The following RBM47 variants were observed in gnomAD, a reference collection of about 807,000 sequenced individuals.
The protein encoded by RBM47 is RNA binding motif protein 47, also known as RNA-binding protein 47.
Under a neutral mutation model 47.1 loss-of-function variants are expected in RBM47, and 21 were observed. The observed-to-expected ratio is 0.45, with a 90% CI of 0.32 to 0.64. The LOEUF is 0.64. Among genes scored for constraint, RBM47 ranks in the 30% least tolerant of loss-of-function variants. The probability of loss-of-function intolerance (pLI) is 0.05; values close to 1 mark genes in which losing one functional copy is unlikely to be tolerated. For missense variants in RBM47, 708 were observed against 870.9 expected, an observed-to-expected ratio of 0.81 and a Z score of 2.35; for synonymous variants, 375 against 361.7, an observed-to-expected ratio of 1.04 and a Z score of -0.42.
intron 3 of RBM47, among the ~76,000 whole-genome samples, chr4:40,454,396 T>C (rs1715911649): frequency 6.6e-6 from 1 of 152,290 alleles, no homozygotes; most frequent in East Asian, 1.9e-4. Flanking sequence ...GAGGAATAAA[T>C]GAGATAGCCA....
intron 1 of RBM47, among the ~76,000 whole-genome samples, chr4:40,622,658 G>T (rs1429360486): frequency 6.6e-6 from 1 of 152,208 alleles, no homozygotes; most frequent in Admixed American, 6.5e-5. Flanking sequence ...AAGGTAGGCA[G>T]CTCGCTTGAG....
chr4:40,428,619 C>A (rs1715420135), intron 6 of RBM47, among the ~76,000 whole-genome samples: 1 of 152,178 alleles, frequency 6.6e-6, no homozygotes, highest in Non-Finnish European at 1.5e-5. Context: ...GTGAGAGAGA[C>A]CTTTCCATGT....
At chr4:40,563,285 T>A (rs1169534632) in intron 1 of RBM47, among the ~76,000 whole-genome samples, 1 of 152,238 alleles carries the variant, frequency 6.6e-6, no homozygotes, top group Non-Finnish European at 1.5e-5. Context: ...TCAATTAGGC[T>A]AGCTCCACAG....
At chr4:40,426,177 ACACG>A in intron 6 of RBM47, 34 bp from the exon 7 acceptor site, 1 of 1,606,822 alleles carries the variant, frequency 6.2e-7, no homozygotes, top group South Asian at 1.1e-5. Context: ...GCCTTCCTGA[ACACG>A]TGTATGTACC....
rs278982 is a variant in RBM47, at chr4:40,424,660, G to A, written c.*1244C>T. On this transcript the variant is annotated 3_prime_UTR_variant, in exon 7 of 7. Transcript: ENST00000295971. ...ACCCATCAAGTGCACAGCAAAGGAA[G>A]AGAGGCCCATTTAATAAACATAATG... is the stretch of plus-strand genomic sequence containing the variant. 0.5 allele frequency: 75,802 copies of A among 151,938 alleles called. 20,259 individuals are homozygous for A. The highest frequency in any genetic ancestry group is 0.62 in the Non-Finnish European group (42,044 of 67,968). The allele number at this position is 151,938 out of a possible 1,614,324, so 9.4% of individuals were successfully genotyped here. A position where few individuals can be genotyped will look rare whatever the true frequency, so the allele number is the denominator to read the frequency against.
chr4:40,605,201 T>G (rs1017071898), intron 1 of RBM47, among the ~76,000 whole-genome samples: 5 of 150,668 alleles, frequency 3.3e-5, no homozygotes, highest in Non-Finnish European at 5.9e-5. Context: ...TTTTTTGTAT[T>G]TTTAGTAGAG....
At chr4:40,489,230 T>C (rs966761376) in intron 2 of RBM47, among the ~76,000 whole-genome samples, 2 of 152,082 alleles carry the variant, frequency 1.3e-5, no homozygotes, top group Non-Finnish European at 1.5e-5. Flanking sequence ...AGATAACAGT[T>C]AAAATACAGT....
At chr4:40,538,383 A>C (rs1411867061) in intron 2 of RBM47, among the ~76,000 whole-genome samples, 1 of 147,974 alleles carries the variant, frequency 6.8e-6, no homozygotes, top group Non-Finnish European at 1.5e-5. Flanking sequence ...CTGGAGTACA[A>C]TGGCACGATC....
rs1714896588 is a variant in RBM47 at position 40,425,493 on chromosome 4, A to G, written c.*411T>C. The G allele has an allele frequency of 1.3e-5, 2 of 157,944 alleles. No homozygotes were observed. Among genetic ancestry groups the G allele is most frequent in the African/African-American group, 4.8e-5 (2 of 41,644 alleles). The allele number at this position is 157,944 out of a possible 1,614,324, so 9.8% of individuals were successfully genotyped here. ...TTCAAAATAGTTCCCTAGCTCCTCAAGTGTGCTTTTTTAATATATAGTTGA... is the reference window on the plus strand; with the variant it reads ...TTCAAAATAGTTCCCTAGCTCCTCAGGTGTGCTTTTTTAATATATAGTTGA... On this transcript the variant is annotated 3_prime_UTR_variant, in exon 7 of 7. Transcript: ENST00000295971.
chr4:40,476,455 T>C (rs1719621901), intron 2 of RBM47, among the ~76,000 whole-genome samples: 1 of 152,052 alleles, frequency 6.6e-6, no homozygotes, highest in South Asian at 2.1e-4. Context: ...CTTTATCAGT[T>C]TGGAGCTAGA....
At chr4:40,484,769 T>C (rs1720860054) in intron 2 of RBM47, among the ~76,000 whole-genome samples, 1 of 152,198 alleles carries the variant, frequency 6.6e-6, no homozygotes, top group African/African-American at 2.4e-5. Flanking sequence ...AGAATCACCT[T>C]CCTCCAAAAG....
At chr4:40,507,813 T>G (rs895631412) in intron 2 of RBM47, among the ~76,000 whole-genome samples, 1 of 151,096 alleles carries the variant, frequency 6.6e-6, no homozygotes, top group East Asian at 2.0e-4. Flanking sequence ...CAAGTCTTAT[T>G]TTTAAAACAA....
chr4:40,552,581 T>C (rs1300592416), intron 1 of RBM47, among the ~76,000 whole-genome samples: 1 of 152,200 alleles, frequency 6.6e-6, no homozygotes, highest in East Asian at 1.9e-4. Context: ...CACATTCTGA[T>C]AGATCAATCT....
intron 1 of RBM47, among the ~76,000 whole-genome samples, chr4:40,554,748 T>C: frequency 6.8e-6 from 1 of 146,482 alleles, no homozygotes; most frequent in African/African-American, 2.5e-5. Context: ...CCCATCTCTC[T>C]CTCCTTTCTT....
chr4:40,583,247 C>T (rs1733130291), intron 1 of RBM47, among the ~76,000 whole-genome samples: 1 of 151,780 alleles, frequency 6.6e-6, no homozygotes, highest in African/African-American at 2.4e-5. Context: ...TCCGTCTCTA[C>T]TAAAAATACA....
chr4:40,524,766 G>A (rs184992802), intron 2 of RBM47, among the ~76,000 whole-genome samples: 12 of 152,282 alleles, frequency 7.9e-5, no homozygotes, highest in East Asian at 3.9e-4. Flanking sequence ...GACTACAGGC[G>A]CACGTCACCA....
At chr4:40,557,764 TTGAA>T (rs1165490431) in intron 1 of RBM47, among the ~76,000 whole-genome samples, 2 of 152,050 alleles carry the variant, frequency 1.3e-5, no homozygotes, top group African/African-American at 4.8e-5. Flanking sequence ...AAAAAAATTG[TTGAA>T]TGAATGAATG....
chr4:40,574,299 G>A (rs1732083813), intron 1 of RBM47, among the ~76,000 whole-genome samples: 2 of 152,190 alleles, frequency 1.3e-5, no homozygotes. Context: ...TTTCAGTTAA[G>A]ACCGAGTTTA....
chr4:40,612,040 G>T (rs1736308267), intron 1 of RBM47, among the ~76,000 whole-genome samples: 1 of 152,192 alleles, frequency 6.6e-6, no homozygotes, highest in Non-Finnish European at 1.5e-5. Context: ...AGAATGAAGG[G>T]TCAAGAGCGT....
Sources: gnomAD v4.1 joint callset for allele counts (sites outside exome capture counted in the v4.1 genomes callset) on GRCh38, gnomAD v4.1.1 for gene constraint, MANE v1.5 for transcripts, NCBI Gene and HGNC (gene_info 2026-07-23, HGNC 2026-07-21) for gene names.